The following CREB5 variants were observed in gnomAD, a reference collection of about 807,000 sequenced individuals.
The protein encoded by CREB5 is cAMP responsive element binding protein 5.
Under a neutral mutation model 57.1 loss-of-function variants are expected in CREB5, and 19 were observed. The ratio of observed to expected loss-of-function variants is 0.33; its 90% CI spans 0.23 to 0.49. CREB5 has a LOEUF of 0.49. CREB5 is among the 20% of genes least tolerant of loss of function. CREB5 has a pLI of 0.99. For missense variants in CREB5, 579 were observed against 671.6 expected (o/e 0.86, Z 1.52); for synonymous variants, 238 against 238.3 (o/e 1.00, Z 0.01).
chr7:28,421,810 T>C (rs1788267096), intron 1 of CREB5, among the ~76,000 whole-genome samples: 1 of 147,906 alleles, frequency 6.8e-6, no homozygotes, highest in Admixed American at 6.8e-5. Context: ...ACACACACCA[T>C]ATATATAGTG....
intron 5 of CREB5, among the ~76,000 whole-genome samples, chr7:28,587,495 G>A (rs1192696595): frequency 7.1e-6 from 1 of 141,290 alleles, no homozygotes; most frequent in African/African-American, 2.5e-5. Context: ...GGATTCTTCG[G>A]GAGTTAAAAA....
At chr7:28,442,578 A>G (rs1003922544) in intron 1 of CREB5, among the ~76,000 whole-genome samples, 3 of 152,180 alleles carry the variant, frequency 2.0e-5, no homozygotes, top group Non-Finnish European at 2.9e-5. Flanking sequence ...TCAATAGTGT[A>G]TAAGAGTTCC....
chr7:28,480,064 T>G (rs1214674608), intron 1 of CREB5, among the ~76,000 whole-genome samples: 2 of 151,116 alleles, frequency 1.3e-5, no homozygotes, highest in Non-Finnish European at 2.9e-5. Flanking sequence ...CATCTGCATG[T>G]GTGAAAAGAA....
intron 1 of CREB5, among the ~76,000 whole-genome samples, chr7:28,396,610 A>G (rs1787340792): frequency 6.6e-6 from 1 of 152,174 alleles, no homozygotes; most frequent in African/African-American, 2.4e-5. Context: ...TTAAGTACTT[A>G]ATGGGATCAG....
rs1258516946 is a variant in CREB5 at position 28,820,668 on chromosome 7, G to A, written c.*1389G>A. 2 of 128,232 alleles carry A rather than the reference G, an allele frequency of 1.6e-5. No individual in the cohort carries two copies. The highest frequency in any genetic ancestry group is 2.1e-4 in the East Asian group (1 of 4,744). The allele number at this position is 128,232 out of a possible 1,614,324, so 7.9% of individuals were successfully genotyped here. On this transcript the variant is annotated 3_prime_UTR_variant, in exon 11 of 11. Transcript: ENST00000357727. Reference sequence around the variant, plus strand: ...TGCCCAGACTGAAGTGCAGTGGTGCGATCATGGATCACTGCAGCAGCATCC... The same window carrying A: ...TGCCCAGACTGAAGTGCAGTGGTGCAATCATGGATCACTGCAGCAGCATCC...
Position 28,725,645 on chromosome 7 carries a change from TAAA to T in CREB5, c.702+1328_702+1330del, listed in dbSNP as rs1554291840. On this transcript the variant is annotated intron_variant, in intron 7 of 10. Coordinates refer to ENST00000357727, the MANE Select transcript of CREB5 (RefSeq NM_182898.4). The stretch of plus-strand genomic sequence containing the variant: ...CAAAGTAATGCCATATATCTTTTTT[TAAA>T]AAAAAAAAAAAAAAGAAAGAAAGAA... Among the ~76,000 whole-genome samples, 272 of 112,400 alleles carry T rather than the reference TAAA, an allele frequency of 2.4e-3. 2 individuals carry two copies. The highest frequency in any genetic ancestry group is 2.2e-3 in the Non-Finnish European group (104 of 48,172). The allele number at this position is 112,400 out of a possible 152,430, so 73.7% of individuals were successfully genotyped here.
At chr7:28,559,623 CT>C (rs554788701) in intron 4 of CREB5, among the ~76,000 whole-genome samples, 5 of 152,308 alleles carry the variant, frequency 3.3e-5, no homozygotes, top group African/African-American at 1.2e-4. Flanking sequence ...CCAATGTTAT[CT>C]TTTTAGATTA....
At chr7:28,500,120 T>C (rs1792217883) in intron 3 of CREB5, among the ~76,000 whole-genome samples, 1 of 152,206 alleles carries the variant, frequency 6.6e-6, no homozygotes, top group Admixed American at 6.5e-5. Context: ...AGGTCTCTTT[T>C]TTCATGAAAC....
intron 1 of CREB5, among the ~76,000 whole-genome samples, chr7:28,435,971 C>T (rs1206279152): frequency 6.6e-6 from 1 of 152,170 alleles, no homozygotes; most frequent in African/African-American, 2.4e-5. Context: ...CTCTGTCCAG[C>T]AGACTGAAAG....
At chr7:28,470,743 T>C (rs1333927266) in intron 1 of CREB5, among the ~76,000 whole-genome samples, 1 of 152,234 alleles carries the variant, frequency 6.6e-6, no homozygotes, top group African/African-American at 2.4e-5. Flanking sequence ...GCATTTGTTA[T>C]TGCCTGTCTT....
In CREB5 at chr7:28,516,646, C is replaced by T. The variant is rs1792971904; in HGVS notation, c.291+8909C>T. 2.6e-5 allele frequency among the ~76,000 whole-genome samples: 4 copies of T among 152,176 alleles called. No individual in the cohort carries two copies. The South Asian group carries it at 8.3e-4, about 32-fold the overall frequency. On this transcript the variant is annotated intron_variant, in intron 4 of 10. Coordinates refer to ENST00000357727, the MANE Select transcript of CREB5 (RefSeq NM_182898.4). ...GGATTCTAGTGGTTGGGATGATCCT[C>T]ACTAAAACAATTAGGAAGCTCCGCC... is the stretch of plus-strand genomic sequence containing the variant.
intron 1 of CREB5, among the ~76,000 whole-genome samples, chr7:28,357,608 C>T (rs1031897755): frequency 5.9e-5 from 9 of 152,102 alleles, no homozygotes; most frequent in African/African-American, 1.7e-4. Flanking sequence ...TTTTCCTTTT[C>T]CTGCTAGGCT....
At chr7:28,664,955 G>A (rs41353544) in intron 5 of CREB5, among the ~76,000 whole-genome samples, 9,987 of 152,250 alleles carry the variant, frequency 0.066, 562 homozygotes, top group African/African-American at 0.15. Flanking sequence ...TGTGATCTCA[G>A]GCTATTAAAT....
upstream of CREB5, chr7:28,410,798 C>T (rs1787753508): frequency 5.7e-6 from 2 of 349,350 alleles, no homozygotes; most frequent in Non-Finnish European, 1.1e-5. Flanking sequence ...GGCTTGAGCT[C>T]CTCAAGGGTT....
At chr7:28,682,705 T>C (rs1197877804) in intron 5 of CREB5, among the ~76,000 whole-genome samples, 1 of 150,256 alleles carries the variant, frequency 6.7e-6, no homozygotes, top group Non-Finnish European at 1.5e-5. Context: ...AAACCCCAGC[T>C]CTCTCTAGGA....
intron 4 of CREB5, among the ~76,000 whole-genome samples, chr7:28,508,744 G>T (rs1015468956): frequency 3.9e-5 from 6 of 152,002 alleles, no homozygotes; most frequent in African/African-American, 1.5e-4. Flanking sequence ...GCTTACAAGA[G>T]GGGTACAAAA....
At chr7:28,638,338 G>C (rs1798511488) in intron 5 of CREB5, among the ~76,000 whole-genome samples, 2 of 12,756 alleles carry the variant, frequency 1.6e-4, no homozygotes, top group Non-Finnish European at 2.7e-4. Flanking sequence ...AGGAAGGTTT[G>C]CATATTCTTT....
intron 1 of CREB5, among the ~76,000 whole-genome samples, chr7:28,423,945 C>T (rs1183902872): frequency 1.3e-5 from 2 of 152,094 alleles, no homozygotes; most frequent in African/African-American, 2.4e-5. Flanking sequence ...AGCACAAACT[C>T]GGGGGCTTAA....
intron 4 of CREB5, among the ~76,000 whole-genome samples, chr7:28,525,396 TCTCCATTCTGTCCTC>T (rs1284759419): frequency 2.0e-5 from 3 of 152,134 alleles, no homozygotes; most frequent in Non-Finnish European, 2.9e-5. Context: ...TTTTGAGAAA[TCTCCATTCTGTCCTC>T]CATAGTGGCT....
Sources: gnomAD v4.1 joint callset for allele counts (sites outside exome capture counted in the v4.1 genomes callset) on GRCh38, gnomAD v4.1.1 for gene constraint, MANE v1.5 for transcripts, NCBI Gene and HGNC (gene_info 2026-07-23, HGNC 2026-07-21) for gene names.